Variants in CFAP61 observed in about 807,000 individuals in gnomAD.
CFAP61 encodes cilia- and flagella-associated protein 61.
Under a neutral mutation model 135.6 loss-of-function variants are expected in CFAP61, and 107 were observed. The ratio of observed to expected loss-of-function variants is 0.79; its 90% confidence interval spans 0.67 to 0.93. The LOEUF (loss-of-function observed/expected upper bound fraction) is 0.93, where lower values mean the gene tolerates loss of function less well. Ranked by LOEUF, CFAP61 falls within the 40% of genes least tolerant of loss-of-function variation. The pLI is 0.00. For synonymous variants in CFAP61, 575 were observed against 578.5 expected (o/e 0.99, Z 0.09); for missense variants, 1,507 against 1,556.2 (o/e 0.97, Z 0.53).
At chr20:20,179,239 C>T (rs1168151160) in intron 13 of CFAP61, among the ~76,000 whole-genome samples, 1 of 152,128 alleles carries the variant, frequency 6.6e-6, no homozygotes, top group Non-Finnish European at 1.5e-5. Flanking sequence ...CAACCACAGT[C>T]AAGCCTAGAG....
chr20:20,249,100 A>G (rs565111317), intron 19 of CFAP61, among the ~76,000 whole-genome samples: 1 of 152,328 alleles, frequency 6.6e-6, no homozygotes, highest in African/African-American at 2.4e-5. Flanking sequence ...CTATGTTAGA[A>G]TATTAAAGCT....
At chr20:20,098,886 G>A in intron 8 of CFAP61, 72 bp downstream of exon 8, 5 of 1,343,946 alleles carry the variant, frequency 3.7e-6, no homozygotes, top group Non-Finnish European at 5.1e-6. Flanking sequence ...TCTTCGCTAA[G>A]TGATGGAACT....
chr20:20,355,717 G>C, intron 26 of CFAP61, among the ~76,000 whole-genome samples: 1 of 147,614 alleles, frequency 6.8e-6, no homozygotes, highest in Non-Finnish European at 1.5e-5. Flanking sequence ...GTCACACTGT[G>C]AGGGGAGGTC....
chr20:20,063,158 A>C (rs2044942831), intron 2 of CFAP61, among the ~76,000 whole-genome samples: 1 of 152,008 alleles, frequency 6.6e-6, no homozygotes. Flanking sequence ...CCAAAGATTC[A>C]GGGATTGGGT....
intron 14 of CFAP61, among the ~76,000 whole-genome samples, chr20:20,189,362 A>G (rs56133804): frequency 0.067 from 10,212 of 152,178 alleles, 1,182 homozygotes; most frequent in East Asian, 0.56. Flanking sequence ...AGTATGGTCT[A>G]AGGAACCTTG....
At chr20:20,345,430 C>T (rs2058591832) in intron 26 of CFAP61, among the ~76,000 whole-genome samples, 2 of 152,078 alleles carry the variant, frequency 1.3e-5, no homozygotes, top group African/African-American at 2.4e-5. Context: ...TTAAAATATT[C>T]AAATGATGTA....
chr20:20,095,298 T>TC (rs1414425120), intron 7 of CFAP61, among the ~76,000 whole-genome samples: 2 of 152,180 alleles, frequency 1.3e-5, no homozygotes, highest in Non-Finnish European at 2.9e-5. Flanking sequence ...TCTGGGCTTT[T>TC]CCCCCGCAAA....
At chr20:20,088,294 C>A (rs562931593) in intron 6 of CFAP61, among the ~76,000 whole-genome samples, 1 of 152,062 alleles carries the variant, frequency 6.6e-6, no homozygotes, top group Non-Finnish European at 1.5e-5. Flanking sequence ...GTGTATTAGT[C>A]CATTCTCACA....
chr20:20,208,630 A>G (rs2056966072), intron 17 of CFAP61, among the ~76,000 whole-genome samples: 1 of 152,208 alleles, frequency 6.6e-6, no homozygotes, highest in South Asian at 2.1e-4. Flanking sequence ...TCTTTCTGAA[A>G]TTGGGGTCAG....
intron 17 of CFAP61, among the ~76,000 whole-genome samples, chr20:20,224,722 T>C (rs1407039295): frequency 1.3e-5 from 2 of 152,292 alleles, no homozygotes; most frequent in African/African-American, 4.8e-5. Context: ...TCTCTTTGTC[T>C]AAAATGCTAA....
chr20:20,230,050 A>T (rs1056410114), intron 18 of CFAP61, among the ~76,000 whole-genome samples: 2 of 152,370 alleles, frequency 1.3e-5, no homozygotes, highest in African/African-American at 4.8e-5. Flanking sequence ...CAGGTCTTAA[A>T]TCTTAATTCA....
At chr20:20,112,178 T>A (rs1192277560) in intron 8 of CFAP61, among the ~76,000 whole-genome samples, 1 of 152,142 alleles carries the variant, frequency 6.6e-6, no homozygotes, top group Non-Finnish European at 1.5e-5. Context: ...GAAATTTGGT[T>A]GTTTCTGTGG....
intron 19 of CFAP61, among the ~76,000 whole-genome samples, chr20:20,249,846 C>G (rs1344008002): frequency 6.6e-6 from 1 of 152,142 alleles, no homozygotes; most frequent in Non-Finnish European, 1.5e-5. Context: ...TTTTCCTCAT[C>G]GTGGATGGCT....
intron 10 of CFAP61, among the ~76,000 whole-genome samples, chr20:20,163,302 C>T (rs574911349): frequency 2.6e-5 from 4 of 152,230 alleles, no homozygotes; most frequent in Middle Eastern, 3.4e-3. Flanking sequence ...CAGCCTCAGC[C>T]CTGACTTTCC....
chr20:20,319,691 T>G (rs1279995430), intron 25 of CFAP61, among the ~76,000 whole-genome samples: 1 of 152,220 alleles, frequency 6.6e-6, no homozygotes, highest in African/African-American at 2.4e-5. Flanking sequence ...TTACCCAGTT[T>G]CTGGTCTTTC....
intron 13 of CFAP61, among the ~76,000 whole-genome samples, chr20:20,176,962 T>G (rs1405939799): frequency 6.6e-6 from 1 of 152,178 alleles, no homozygotes; most frequent in Non-Finnish European, 1.5e-5. Context: ...ACTTCACTTT[T>G]TATTATTTTA....
intron 22 of CFAP61, among the ~76,000 whole-genome samples, chr20:20,287,153 T>C (rs2054641491): frequency 6.6e-6 from 1 of 151,922 alleles, no homozygotes; most frequent in South Asian, 2.1e-4. Context: ...CAGAGAAATA[T>C]ATTTTCCTGT....
Position 20,290,304 on chromosome 20 carries a change from C to T in CFAP61, c.3129C>T (p.Gly1043=). The change falls in exon 24 of 27, where the codon GGC becomes GGT. Residue 1043 remains glycine, a synonymous_variant. Coordinates refer to ENST00000245957, the MANE Select transcript of CFAP61 (RefSeq NM_015585.4). ...PMYKGAKIQG[G]ILPGSYHYLH... ...AAAACTTGCCATCTCTTCTAGGGGG[C>T]ATTCTTCCTGGGTCTTACCATTATC... 1.9e-6 allele frequency: 3 copies of T among 1,608,000 alleles called. No individual in the cohort carries two copies. The South Asian group carries it at 3.3e-5, about 18-fold the overall frequency.
At chr20:20,194,640 T>C (rs985554372) in intron 15 of CFAP61, among the ~76,000 whole-genome samples, 1 of 152,172 alleles carries the variant, frequency 6.6e-6, no homozygotes, top group African/African-American at 2.4e-5. Context: ...TCCTTGACAG[T>C]TGTGCTTGTA....
Sources: gnomAD v4.1 joint callset for allele counts (sites outside exome capture counted in the v4.1 genomes callset) on GRCh38, gnomAD v4.1.1 for gene constraint, MANE v1.5 for transcripts, NCBI Gene and HGNC (gene_info 2026-07-23, HGNC 2026-07-21) for gene names.